Variants in EEF1AKMT2 observed in about 807,000 individuals in gnomAD.
The protein encoded by EEF1AKMT2 is EEF1A lysine methyltransferase 2.
Under a neutral mutation model 35.8 loss-of-function variants are expected in EEF1AKMT2, and 32 were observed. The ratio of observed to expected loss-of-function variants is 0.89; its 90% CI spans 0.67 to 1.20. EEF1AKMT2 has a LOEUF of 1.20. Ranked by LOEUF, EEF1AKMT2 falls within the 50% of genes most tolerant of loss-of-function variation. The pLI is 0.00. For missense variants in EEF1AKMT2, 330 were observed against 347.5 expected (o/e 0.95, Z 0.40); for synonymous variants, 121 against 133.7 (o/e 0.91, Z 0.65).
intron 4 of EEF1AKMT2, chr10:124,766,315 C>A (rs1315234188): frequency 6.6e-6 from 1 of 151,724 alleles, no homozygotes; most frequent in African/African-American, 2.4e-5. Context: ...AAAAGAATTT[C>A]TTGGGTCTTG....
intron 3 of EEF1AKMT2, 127 bp from the exon 4 acceptor site, chr10:124,774,909 T>G: frequency 2.6e-6 from 1 of 377,562 alleles, no homozygotes; most frequent in Non-Finnish European, 4.7e-6. Flanking sequence ...TATAATCCAA[T>G]TCATAATGCT....
Position 124,791,775 on chromosome 10 carries a change from C to T in EEF1AKMT2, c.59G>A (p.Gly20Asp). The T allele has an allele frequency of 6.3e-7, 1 of 1,595,250 alleles. No homozygotes were observed. ...GAAVAARSDKGSPGEDGFVPS... is the reference protein window; with the variant it reads ...GAAVAARSDKDSPGEDGFVPS... Reference sequence around the variant, plus strand: ...GACGAAACCGTCCTCCCCGGGACTGCCCTTGTCCGACCGCGCCGCCACCGC... The same window carrying T: ...GACGAAACCGTCCTCCCCGGGACTGTCCTTGTCCGACCGCGCCGCCACCGC... Residue 20 changes from glycine to aspartate, a missense_variant, in exon 1 of 7, where the codon GGC (glycine) becomes GAC (aspartate). By Grantham distance (94) the Gly-to-Asp change is moderately conservative. Coordinates refer to ENST00000368836, the MANE Select transcript of EEF1AKMT2 (RefSeq NM_212554.4).
chr10:124,790,150 C>T (rs978385200), intron 2 of EEF1AKMT2, 123 bp downstream of exon 2: 3 of 694,286 alleles, frequency 4.3e-6, no homozygotes, highest in Non-Finnish European at 7.7e-6. Flanking sequence ...GCCTCGGCCT[C>T]CCAAAGTGCT....
chr10:124,777,952 A>G (rs1370952569), intron 3 of EEF1AKMT2, among the ~76,000 whole-genome samples: 1 of 152,212 alleles, frequency 6.6e-6, no homozygotes, highest in East Asian at 1.9e-4. Context: ...CTATATATAC[A>G]TACACACACA....
At chr10:124,774,406 A>AAAAAAAAAAAAAAAAAAAAAAG (rs1554918000) in intron 4 of EEF1AKMT2, among the ~76,000 whole-genome samples, 1 of 48,506 alleles carries the variant, frequency 2.1e-5, no homozygotes, top group African/African-American at 6.1e-5. Context: ...AAAAAAAAAA[A>AAAAAAAAAAAAAAAAAAAAAAG]AAAACCCTTT....
At chr10:124,761,972 C>G in intron 6 of EEF1AKMT2, among the ~76,000 whole-genome samples, 1 of 152,078 alleles carries the variant, frequency 6.6e-6, no homozygotes, top group Non-Finnish European at 1.5e-5. Context: ...AAGGTTTTCC[C>G]TCATTGATGG....
At chr10:124,756,978 T>C (rs541331436), downstream of EEF1AKMT2, among the ~76,000 whole-genome samples, 5 of 152,336 alleles carry the variant, frequency 3.3e-5, no homozygotes, top group South Asian at 2.1e-4. Context: ...TCTTCTTCTA[T>C]GGACATCTCT....
chr10:124,757,760 T>C (rs1429791168), downstream of EEF1AKMT2: 1 of 151,990 alleles, frequency 6.6e-6, no homozygotes, highest in Non-Finnish European at 1.5e-5. Context: ...ATTGCATGCG[T>C]ACCACAGATG....
At chr10:124,779,285 C>A (rs1000125071) in intron 3 of EEF1AKMT2, among the ~76,000 whole-genome samples, 1 of 152,178 alleles carries the variant, frequency 6.6e-6, no homozygotes, top group Non-Finnish European at 1.5e-5. Context: ...GGACACACCA[C>A]GACACCTGGC....
chr10:124,770,464 C>T (rs1296029805), intron 4 of EEF1AKMT2, among the ~76,000 whole-genome samples: 2 of 152,134 alleles, frequency 1.3e-5, no homozygotes, highest in East Asian at 1.9e-4. Flanking sequence ...AAGCCATCAT[C>T]GAAATCATGA....
Position 124,791,815 on chromosome 10 carries a change from C to G in EEF1AKMT2, c.19G>C (p.Gly7Arg), listed in dbSNP as rs1950638906. Reference sequence around the variant, plus strand: ...GCCGCCACCGCAGCGCCACCGCCGCCGTCAGCGCCCGAGCTCATTTCGCTC... The same window carrying G: ...GCCGCCACCGCAGCGCCACCGCCGCGGTCAGCGCCCGAGCTCATTTCGCTC... MSSGAD[G>R]GGGAAVAARS... The change falls in exon 1 of 7, where the codon GGC (glycine) becomes CGC (arginine). Residue 7 changes from glycine (G) to arginine (R), a missense_variant. By Grantham distance (125) the Gly-to-Arg change is moderately radical. Coordinates refer to ENST00000368836, the MANE Select transcript of EEF1AKMT2 (RefSeq NM_212554.4). 1 of 1,583,148 alleles carries G rather than the reference C, an allele frequency of 6.3e-7. No individual in the cohort carries two copies.
chr10:124,789,594 C>G (rs899504835), intron 2 of EEF1AKMT2, among the ~76,000 whole-genome samples: 1 of 151,776 alleles, frequency 6.6e-6, no homozygotes, highest in South Asian at 2.1e-4. Context: ...CCTGTCTCTA[C>G]AAAAAAGAAA....
At chr10:124,769,894 C>T (rs958102772) in intron 4 of EEF1AKMT2, among the ~76,000 whole-genome samples, 4 of 129,036 alleles carry the variant, frequency 3.1e-5, no homozygotes, top group Middle Eastern at 6.3e-3. Context: ...TGTGGTGAGC[C>T]GAGATCACAC....
chr10:124,775,422 A>G (rs1170683828), intron 3 of EEF1AKMT2, among the ~76,000 whole-genome samples: 5 of 152,194 alleles, frequency 3.3e-5, no homozygotes, highest in Non-Finnish European at 7.3e-5. Context: ...TAACCCATCT[A>G]GGCTGTGTAG....
At chr10:124,767,511 CAA>C (rs1193595891) in intron 4 of EEF1AKMT2, among the ~76,000 whole-genome samples, 10 of 60,126 alleles carry the variant, frequency 1.7e-4, no homozygotes, top group Admixed American at 5.9e-4. Flanking sequence ...GACACTGCCT[CAA>C]AAAAAAAAAA....
chr10:124,790,556 T>A, intron 1 of EEF1AKMT2, among the ~76,000 whole-genome samples: 1 of 152,036 alleles, frequency 6.6e-6, no homozygotes. Context: ...ATGTAAAGCA[T>A]TTAGGACAAT....
At chr10:124,775,922 C>CT (rs1265971518) in intron 3 of EEF1AKMT2, among the ~76,000 whole-genome samples, 1,503 of 144,760 alleles carry the variant, frequency 0.01, 12 homozygotes, top group African/African-American at 0.017. Flanking sequence ...CCGGTTCCTT[C>CT]TTTTTTTTTT....
chr10:124,763,174 A>C (rs912913300), intron 5 of EEF1AKMT2, among the ~76,000 whole-genome samples: 2 of 152,240 alleles, frequency 1.3e-5, no homozygotes, highest in African/African-American at 4.8e-5. Flanking sequence ...TTCTGAAGTA[A>C]GATGGGTGGT....
rs1381635301 is a variant in EEF1AKMT2 at position 124,765,572 on chromosome 10, C to CTGT, written c.435_436insACA (p.Ser145_Gly146insThr). The CTGT allele has an allele frequency of 1.2e-6, 2 of 1,613,816 alleles. No homozygotes were observed. The highest frequency in any genetic ancestry group is 1.1e-5 in the South Asian group (1 of 91,078). Reference sequence around the variant, plus strand: ...CCTTTGTCAATACAAATATGAAATCCAGACAGCTGTGTGGAGAGATTCAAA... The same window carrying CTGT: ...CCTTTGTCAATACAAATATGAAATCCTGTAGACAGCTGTGTGGAGAGATTCAAA... On this transcript the variant is annotated inframe_insertion, in exon 5 of 7. Coordinates refer to ENST00000368836, the MANE Select transcript of EEF1AKMT2 (RefSeq NM_212554.4).
Sources: allele counts gnomAD v4.1 joint callset (sites outside exome capture counted in the v4.1 genomes callset), GRCh38; gene constraint gnomAD v4.1.1; transcripts MANE v1.5; gene names NCBI Gene and HGNC (gene_info 2026-07-23, HGNC 2026-07-21).